The following GAB2 variants were observed in gnomAD, a reference collection of about 807,000 sequenced individuals.
GAB2 encodes the protein GRB2-associated-binding protein 2.
In GAB2, 26 loss-of-function variants were observed where a neutral mutation model predicts 65.5. That is an observed-to-expected ratio of 0.40 (90% CI 0.29 to 0.55). The LOEUF is 0.55. Ranked by LOEUF, GAB2 falls within the 20% of genes least tolerant of loss-of-function variation. The pLI, the probability that GAB2 is intolerant of heterozygous loss-of-function variation, is 0.53. For synonymous variants in GAB2, 321 were observed against 329.6 expected (o/e 0.97, Z 0.28); for missense variants, 884 against 875.8 (o/e 1.01, Z -0.12).
At chr11:78,261,895 T>C (rs973827871) in intron 2 of GAB2, among the ~76,000 whole-genome samples, 1 of 152,230 alleles carries the variant, frequency 6.6e-6, no homozygotes, top group Non-Finnish European at 1.5e-5. Context: ...ACATTAATGA[T>C]GCATTTGACC....
intron 1 of GAB2, among the ~76,000 whole-genome samples, chr11:78,302,628 G>A (rs10899466): frequency 0.22 from 33,695 of 152,040 alleles, 4,147 homozygotes; most frequent in East Asian, 0.4. Context: ...AAGATTCCTT[G>A]AAGAACTAAA....
chr11:78,344,759 G>A (rs919798488), intron 1 of GAB2, among the ~76,000 whole-genome samples: 1 of 152,124 alleles, frequency 6.6e-6, no homozygotes, highest in Non-Finnish European at 1.5e-5. Context: ...AAAATATCCT[G>A]TATACAGTTA....
At chr11:78,304,216 T>A (rs541736178) in intron 1 of GAB2, among the ~76,000 whole-genome samples, 28 of 152,158 alleles carry the variant, frequency 1.8e-4, no homozygotes, top group Non-Finnish European at 4.0e-4. Context: ...GAGATATAAT[T>A]TATATTCCAT....
chr11:78,227,458 G>A (rs1269738828), intron 3 of GAB2, among the ~76,000 whole-genome samples: 1 of 152,120 alleles, frequency 6.6e-6, no homozygotes. Context: ...CTGCCACTGT[G>A]AAACTAGCCC....
At chr11:78,336,256 G>A (rs1212814173) in intron 1 of GAB2, among the ~76,000 whole-genome samples, 3 of 137,000 alleles carry the variant, frequency 2.2e-5, no homozygotes, top group African/African-American at 7.8e-5. Context: ...GGAGGTTGCA[G>A]TGAGCCAAGA....
rs147339280 is a variant in GAB2 at position 78,250,399 on chromosome 11, G to C, written c.378C>G (p.Asp126Glu). Residue 126 changes from aspartate to glutamate, a missense_variant and splice_region_variant, in exon 3 of 10, where the codon GAC becomes GAG. Transcript: ENST00000361507. ...CGGCTGAGGAAACATTTCTCAGGGA[G>C]TCTGAAAAGGAGAAATAGCTCTGTG... ...CGFNQAEESTDSLRNVSSAGH... is the reference protein window; with the variant it reads ...CGFNQAEESTESLRNVSSAGH... The C allele has an allele frequency of 4.3e-6, 7 of 1,612,524 alleles. No individual in the cohort carries two copies. The African/African-American group carries it at 8.0e-5, about 18-fold the overall frequency.
intron 1 of GAB2, among the ~76,000 whole-genome samples, chr11:78,315,719 G>A (rs1423589984): frequency 6.6e-6 from 1 of 152,180 alleles, no homozygotes; most frequent in Non-Finnish European, 1.5e-5. Context: ...TCAACCAAGT[G>A]AAAAGACAAT....
chr11:78,219,350 G>C lies in GAB2; in HGVS notation c.1953C>G (p.Thr651=). ...VDYVQVDKEK[T]QALQNTMQEW... The stretch of plus-strand genomic sequence containing the variant: ...CCTGCATGGTGTTCTGCAGGGCCTG[G>C]GTCTTCTCCTTGTCCACCTGAACGT... The change falls in exon 10 of 10, where the codon ACC becomes ACG. Residue 651 remains threonine (T), a synonymous_variant. Coordinates refer to ENST00000361507, the MANE Select transcript of GAB2 (RefSeq NM_080491.3). 2.5e-6 allele frequency: 4 copies of C among 1,613,786 alleles called. No individual in the cohort carries two copies. The South Asian group carries it at 3.3e-5, about 13-fold the overall frequency.
Position 78,223,406 on chromosome 11 carries a change from A to AC in GAB2, c.1567+5dup, listed in dbSNP as rs768000750. On this transcript the variant is annotated splice_donor_region_variant and intron_variant, in intron 6 of 9. Transcript: ENST00000361507. ...AGAGATGGGACAGGGGAAAGAATGG[A>AC]CTTACCTTTCCGATCAGGTTTGAGG... 6.6e-7 allele frequency: 1 copy of AC among 1,519,118 alleles called. No individual in the cohort carries two copies. The allele number at this position is 1,519,118 out of a possible 1,614,324, so 94.1% of individuals were successfully genotyped here.
chr11:78,248,121 G>A lies in GAB2; in HGVS notation c.620+2036C>T, dbSNP rs189234665. ...ATTAATATAAAAATCCATTCTACAA[G>A]GCAGAAAGTTCCAAATGTTGTGAGA... On this transcript the variant is annotated intron_variant, in intron 3 of 9. Transcript: ENST00000361507. 3.0e-4 allele frequency among the ~76,000 whole-genome samples: 45 copies of A among 152,200 alleles called. No homozygotes were observed. The East Asian group carries it at 7.9e-3, about 27-fold the overall frequency.
rs372693456 is a variant in GAB2 at position 78,233,040 on chromosome 11, G to GTTTTTTTTTTTTT, written c.621-6002_621-5990dup. The stretch of plus-strand genomic sequence containing the variant: ...ACTTACCAATACCTGGCACTGTTAA[G>GTTTTTTTTTTTTT]TTTTTTTTTTTTTTTTGGTGACAAG... On this transcript the variant is annotated intron_variant, in intron 3 of 9. Transcript: ENST00000361507. Among the ~76,000 whole-genome samples, 136 of 131,964 alleles carry GTTTTTTTTTTTTT rather than the reference G, an allele frequency of 1.0e-3. 5 individuals carry two copies. Among genetic ancestry groups the GTTTTTTTTTTTTT allele is most frequent in the African/African-American group, 3.9e-3 (130 of 33,266 alleles). 86.6% of individuals were successfully genotyped at this position (131,964 alleles called of 152,430 possible).
At chr11:78,292,646 A>T (rs747703934) in intron 1 of GAB2, among the ~76,000 whole-genome samples, 1 of 152,248 alleles carries the variant, frequency 6.6e-6, no homozygotes, top group African/African-American at 2.4e-5. Context: ...AACAGCAAAC[A>T]TTACAAGAGT....
chr11:78,385,425 G>C (rs1856753664), intron 1 of GAB2, among the ~76,000 whole-genome samples: 1 of 152,150 alleles, frequency 6.6e-6, no homozygotes, highest in South Asian at 2.1e-4. Flanking sequence ...ATGGAGTTCA[G>C]GTCTTAATAA....
chr11:78,362,872 G>A (rs532850212), intron 1 of GAB2, among the ~76,000 whole-genome samples: 45 of 152,158 alleles, frequency 3.0e-4, no homozygotes, highest in African/African-American at 8.9e-4. Context: ...AGGCAAAGAG[G>A]GTCAGGCACT....
intron 1 of GAB2, among the ~76,000 whole-genome samples, chr11:78,349,526 A>G (rs1856242439): frequency 6.6e-6 from 1 of 152,204 alleles, no homozygotes. Flanking sequence ...CTGGCATCAG[A>G]CCAGATAAAC....
chr11:78,293,068 T>C (rs899930620), intron 1 of GAB2, among the ~76,000 whole-genome samples: 3 of 152,192 alleles, frequency 2.0e-5, no homozygotes, highest in African/African-American at 7.2e-5. Context: ...AATTCAAGTT[T>C]ATAGTTAATT....
At chr11:78,351,481 G>A (rs1174609222) in intron 1 of GAB2, among the ~76,000 whole-genome samples, 1 of 152,070 alleles carries the variant, frequency 6.6e-6, no homozygotes, top group Non-Finnish European at 1.5e-5. Flanking sequence ...TGGGATTCAT[G>A]GTACTTGTGG....
chr11:78,323,790 CTTTTTTTTTTTTTTT>C (rs749282969), intron 1 of GAB2, among the ~76,000 whole-genome samples: 2 of 77,264 alleles, frequency 2.6e-5, no homozygotes, highest in Non-Finnish European at 4.8e-5. Context: ...CTGAATCTTT[CTTTTTTTTTTTTTTT>C]TTTTTTTTTT....
chr11:78,333,749 T>G (rs1855954002), intron 1 of GAB2, among the ~76,000 whole-genome samples: 1 of 152,210 alleles, frequency 6.6e-6, no homozygotes, highest in Non-Finnish European at 1.5e-5. Context: ...TGCTCTTATC[T>G]TCACTGATTT....
Sources: gnomAD v4.1 joint callset for allele counts (sites outside exome capture counted in the v4.1 genomes callset) on GRCh38, gnomAD v4.1.1 for gene constraint, MANE v1.5 for transcripts, NCBI Gene and HGNC (gene_info 2026-07-23, HGNC 2026-07-21) for gene names.